PDC: variants seen among roughly 807,000 people sequenced by gnomAD.
PDC encodes the protein phosducin.
In PDC, 19 loss-of-function variants were observed where a neutral mutation model predicts 22.2. That is an observed-to-expected ratio of 0.86 (90% confidence interval 0.60 to 1.26). The LOEUF is 1.26. Ranked by LOEUF, PDC falls within the 50% of genes most tolerant of loss-of-function variation. The pLI is 0.00. For missense variants in PDC, 274 were observed against 286.8 expected, an observed-to-expected ratio of 0.96 and a Z score of 0.32; for synonymous variants, 97 against 96.2, an observed-to-expected ratio of 1.01 and a Z score of -0.05.
Position 186,444,022 on chromosome 1 carries a change from T to C in PDC, c.698A>G (p.His233Arg). ...EYGLLPEREV[H>R]VLEHTKIEEE... ...TTCTATTTTGGTATGCTCTAGGACATGTACCTCTCTTTCAGGTAGTAACCC... is the reference window on the plus strand; with the variant it reads ...TTCTATTTTGGTATGCTCTAGGACACGTACCTCTCTTTCAGGTAGTAACCC... Residue 233 changes from histidine (H) to arginine (R), a missense_variant, in exon 4 of 4, where the codon CAT (histidine) becomes CGT (arginine). Physicochemically the swap from His to Arg is conservative, Grantham distance 29 (BLOSUM62 0). Coordinates refer to ENST00000391997, the MANE Select transcript of PDC (RefSeq NM_002597.5). 1 of 1,612,434 alleles carries C rather than the reference T, an allele frequency of 6.2e-7. No individual in the cohort carries two copies. Among genetic ancestry groups the C allele is most frequent in the Non-Finnish European group, 8.5e-7 (1 of 1,178,454 alleles).
chr1:186,453,667 T>C (rs1272679054), intron 1 of PDC, among the ~76,000 whole-genome samples: 2 of 152,186 alleles, frequency 1.3e-5, no homozygotes, highest in Non-Finnish European at 2.9e-5. Context: ...ATGGAGGCAA[T>C]TTTTTACTTC....
At chr1:186,446,814 A>C (rs1346228090) in intron 2 of PDC, among the ~76,000 whole-genome samples, 2 of 152,216 alleles carry the variant, frequency 1.3e-5, no homozygotes, top group Non-Finnish European at 2.9e-5. Flanking sequence ...TACTAATGAA[A>C]ATATAAATTA....
At chr1:186,444,640 T>C in intron 3 of PDC, 134 bp from the exon 4 acceptor site, 1 of 609,330 alleles carries the variant, frequency 1.6e-6, no homozygotes, top group Non-Finnish European at 2.9e-6. Context: ...TCACTCCTGA[T>C]GTGCCTTTCT....
At chr1:186,450,390 G>A (rs1357721800) in intron 1 of PDC, among the ~76,000 whole-genome samples, 2 of 151,970 alleles carry the variant, frequency 1.3e-5, no homozygotes, top group African/African-American at 2.4e-5. Context: ...CATTAAGTGC[G>A]ATGGTGCTGT....
chr1:186,457,805 T>C (rs1180581978), intron 1 of PDC, among the ~76,000 whole-genome samples: 1 of 152,202 alleles, frequency 6.6e-6, no homozygotes, highest in Non-Finnish European at 1.5e-5. Context: ...ATGTTTGTTT[T>C]CTTTCTTTTA....
chr1:186,447,444 C>T (rs529542823), intron 2 of PDC, among the ~76,000 whole-genome samples: 59 of 152,194 alleles, frequency 3.9e-4, no homozygotes, highest in African/African-American at 1.2e-3. Flanking sequence ...CCACTGTGCC[C>T]GGCCAGATTG....
At position 186,444,202 on chromosome 1, in the gene PDC, G is replaced by A. The variant is rs370142164; in HGVS notation, c.518C>T (p.Ser173Leu). The A allele has an allele frequency of 1.2e-5, 19 of 1,613,802 alleles. No homozygotes were observed. The highest frequency in any genetic ancestry group is 3.3e-4 in the Middle Eastern group (2 of 6,084). ...AAAGCGGTCCCCAGCACCTGTATTCGAAGCTTTTATTTTACAAAACTTAAC... is the reference window on the plus strand; with the variant it reads ...AAAGCGGTCCCCAGCACCTGTATTCAAAGCTTTTATTTTACAAAACTTAAC... ...PIVKFCKIKA[S>L]NTGAGDRFSL... The change falls in exon 4 of 4, where the codon TCG becomes TTG. Residue 173 changes from serine (S) to leucine (L), a missense_variant. By Grantham distance (145) the Ser-to-Leu change is moderately radical. Transcript: ENST00000391997.
chr1:186,452,369 C>G (rs1251080362), intron 1 of PDC, among the ~76,000 whole-genome samples: 1 of 152,150 alleles, frequency 6.6e-6, no homozygotes, highest in Non-Finnish European at 1.5e-5. Flanking sequence ...TTCCAACTAG[C>G]TGGGATTACA....
intron 1 of PDC, among the ~76,000 whole-genome samples, chr1:186,455,971 CAAAA>C (rs1213649798): frequency 3.5e-4 from 3 of 8,652 alleles, no homozygotes; most frequent in Admixed American, 3.8e-3. Context: ...GACTCCGTCT[CAAAA>C]AAAAAAAAAA....
In PDC at chr1:186,443,584, T is replaced by G; in HGVS notation, c.*395A>C. 6.3e-6 allele frequency: 1 copy of G among 158,152 alleles called. No homozygotes were observed. The highest frequency in any genetic ancestry group is 1.4e-5 in the Non-Finnish European group (1 of 71,950). The allele number at this position is 158,152 out of a possible 1,614,324, so 9.8% of individuals were successfully genotyped here. On this transcript the variant is annotated 3_prime_UTR_variant, in exon 4 of 4. Coordinates refer to ENST00000391997, the MANE Select transcript of PDC (RefSeq NM_002597.5). ...AAGAATAGACTTCAAATAGAAAATTTATTTTCTCATGAGATTTCATTTTTA... is the reference window on the plus strand; with the variant it reads ...AAGAATAGACTTCAAATAGAAAATTGATTTTCTCATGAGATTTCATTTTTA...
At chr1:186,455,745 AG>A (rs1448935840) in intron 1 of PDC, among the ~76,000 whole-genome samples, 2 of 141,420 alleles carry the variant, frequency 1.4e-5, no homozygotes, top group Non-Finnish European at 3.0e-5. Context: ...GCGGATCACG[AG>A]GTCAGGAGAT....
chr1:186,444,595 T>TA, intron 3 of PDC, 89 bp from the exon 4 acceptor site: 1 of 829,760 alleles, frequency 1.2e-6, no homozygotes, highest in Non-Finnish European at 1.8e-6. Context: ...GGAGTGTACT[T>TA]TTGCTCTTTT....
At position 186,444,040 on chromosome 1, in the gene PDC, AG is replaced by A; in HGVS notation, c.679del (p.Leu227TyrfsTer9). 6.2e-7 allele frequency: 1 copy of A among 1,612,554 alleles called. No homozygotes were observed. Among genetic ancestry groups the A allele is most frequent in the Non-Finnish European group, 8.5e-7 (1 of 1,178,570 alleles). ...TAGGACATGTACCTCTCTTTCAGGT[AG>A]TAACCCATATTCATTTAGGAAAGAC... ...VESFLNEYGL[L>X]PEREVHVLEH... On this transcript the variant is annotated frameshift_variant, in exon 4 of 4. Coordinates refer to ENST00000391997, the MANE Select transcript of PDC (RefSeq NM_002597.5). LOFTEE classifies it high-confidence loss of function.
intron 2 of PDC, among the ~76,000 whole-genome samples, chr1:186,447,009 A>G (rs190546562): frequency 6.6e-6 from 1 of 152,306 alleles, no homozygotes; most frequent in African/African-American, 2.4e-5. Context: ...ACAAAATAAC[A>G]ATAGTATATA....
Position 186,461,085 on chromosome 1 carries a change from T to C in PDC, c.-51A>G, listed in dbSNP as rs1466456786. 6.5e-6 allele frequency: 1 copy of C among 154,790 alleles called. No individual in the cohort carries two copies. Among genetic ancestry groups the C allele is most frequent in the Non-Finnish European group, 1.5e-5 (1 of 68,230 alleles). 9.6% of individuals were successfully genotyped at this position (154,790 alleles called of 1,614,324 possible). ...GTTTGGATCTCTGTGCCTGGTGTCC[T>C]TGTTGAGTGGGTGAGAATCCCTGTC... On this transcript the variant is annotated 5_prime_UTR_variant, in exon 1 of 4. Coordinates refer to ENST00000391997, the MANE Select transcript of PDC (RefSeq NM_002597.5).
chr1:186,450,137 A>C (rs980909798), intron 1 of PDC, among the ~76,000 whole-genome samples: 1 of 152,178 alleles, frequency 6.6e-6, no homozygotes, highest in Non-Finnish European at 1.5e-5. Context: ...TTACACTATT[A>C]TGGAAATTAA....
At chr1:186,453,353 T>A (rs1662391281) in intron 1 of PDC, among the ~76,000 whole-genome samples, 1 of 152,118 alleles carries the variant, frequency 6.6e-6, no homozygotes, top group Non-Finnish European at 1.5e-5. Context: ...AAGACTCTTT[T>A]AAAAAAACAA....
At chr1:186,458,712 AC>A (rs761537516) in intron 1 of PDC, among the ~76,000 whole-genome samples, 1 of 151,968 alleles carries the variant, frequency 6.6e-6, no homozygotes, top group Admixed American at 6.6e-5. Context: ...ATTCTTATAA[AC>A]CCTTTTGACG....
At chr1:186,446,764 G>C (rs1250777514) in intron 2 of PDC, among the ~76,000 whole-genome samples, 187 bp from the exon 3 acceptor site, 1 of 152,092 alleles carries the variant, frequency 6.6e-6, no homozygotes, top group Non-Finnish European at 1.5e-5. Context: ...CATTAATCTT[G>C]TTAAATGGGT....
Sources: allele counts gnomAD v4.1 joint callset (sites outside exome capture counted in the v4.1 genomes callset), GRCh38; gene constraint gnomAD v4.1.1; transcripts MANE v1.5; gene names NCBI Gene and HGNC (gene_info 2026-07-23, HGNC 2026-07-21).